SMARCC1: variants seen among roughly 807,000 people sequenced by gnomAD.
The protein encoded by SMARCC1 is SWI/SNF complex subunit SMARCC1.
Under a neutral mutation model 147.4 loss-of-function variants are expected in SMARCC1, and 43 were observed. That is an observed-to-expected ratio of 0.29 (90% CI 0.23 to 0.38). The LOEUF (loss-of-function observed/expected upper bound fraction) is 0.38, where lower values mean the gene tolerates loss of function less well. SMARCC1 is among the 10% of genes least tolerant of loss of function. The pLI is 1.00. For synonymous variants in SMARCC1, 495 were observed against 484.4 expected (o/e 1.02, Z -0.29); for missense variants, 1,119 against 1,381.1 (o/e 0.81, Z 3.01).
At chr3:47,709,512 C>T (rs1029428817) in intron 9 of SMARCC1, among the ~76,000 whole-genome samples, 1 of 150,120 alleles carries the variant, frequency 6.7e-6, no homozygotes, top group South Asian at 2.1e-4. Flanking sequence ...ATGGTGAAAT[C>T]CCGTTTCTAC....
chr3:47,727,788 G>A (rs1244001151), intron 6 of SMARCC1, among the ~76,000 whole-genome samples: 8 of 151,812 alleles, frequency 5.3e-5, no homozygotes, highest in Admixed American at 1.3e-4. Context: ...GTTAAATTTC[G>A]CCATATTGGT....
intron 21 of SMARCC1, among the ~76,000 whole-genome samples, chr3:47,645,579 C>T (rs2033109238): frequency 6.6e-6 from 1 of 152,154 alleles, no homozygotes; most frequent in South Asian, 2.1e-4. Context: ...CTTCAGGTTA[C>T]TTTTAAAATT....
chr3:47,598,749 A>C (rs2032338167), intron 26 of SMARCC1, among the ~76,000 whole-genome samples: 1 of 148,830 alleles, frequency 6.7e-6, no homozygotes, highest in South Asian at 2.1e-4. Context: ...GATAGTTTGA[A>C]CCTGGAAGGT....
At chr3:47,683,882 G>A (rs1386611498) in intron 14 of SMARCC1, among the ~76,000 whole-genome samples, 2 of 152,018 alleles carry the variant, frequency 1.3e-5, no homozygotes, top group Non-Finnish European at 2.9e-5. Context: ...CAAAACAGTC[G>A]AGGCACAGAC....
At chr3:47,760,034 C>T (rs928117024) in intron 2 of SMARCC1, among the ~76,000 whole-genome samples, 1 of 152,092 alleles carries the variant, frequency 6.6e-6, no homozygotes, top group Non-Finnish European at 1.5e-5. Flanking sequence ...AAATTTGAGG[C>T]CAGGTATGGT....
intron 11 of SMARCC1, among the ~76,000 whole-genome samples, chr3:47,693,935 T>A (rs1237055123): frequency 6.6e-6 from 1 of 152,238 alleles, no homozygotes; most frequent in Admixed American, 6.5e-5. Flanking sequence ...AATGCCGGGA[T>A]CACAGACATG....
intron 22 of SMARCC1, among the ~76,000 whole-genome samples, chr3:47,638,105 T>C (rs1214891270): frequency 6.6e-6 from 1 of 152,184 alleles, no homozygotes; most frequent in African/African-American, 2.4e-5. Context: ...TTGTTGTTGT[T>C]GTTGAGACAG....
Position 47,781,752 on chromosome 3 carries a change from C to T in SMARCC1, c.46G>A (p.Ala16Thr). The T allele has an allele frequency of 6.6e-7, 1 of 1,526,068 alleles. No homozygotes were observed. Among genetic ancestry groups the T allele is most frequent in the South Asian group, 1.2e-5 (1 of 82,612 alleles). The allele number at this position is 1,526,068 out of a possible 1,614,324, so 94.5% of individuals were successfully genotyped here. The change falls in exon 1 of 28, where the codon GCC becomes ACC. Residue 16 changes from alanine (A) to threonine (T), a missense_variant. By Grantham distance (58) the Ala-to-Thr change is moderately conservative. This residue lies in a region of SMARCC1 where 542 missense variants were observed against 611.8 expected (regional missense o/e 0.89). Transcript: ENST00000254480. ...GCCGCCGCAATCCCCGAGCCCGTGGCGCCTACCGCTGTCCCCGGCCCGCCG... is the reference window on the plus strand; with the variant it reads ...GCCGCCGCAATCCCCGAGCCCGTGGTGCCTACCGCTGTCCCCGGCCCGCCG... ...GGGGPGTAVGATGSGIAAAAA... is the reference protein window; with the variant it reads ...GGGGPGTAVGTTGSGIAAAAA...
At chr3:47,665,682 T>G (rs2033411141) in intron 19 of SMARCC1, among the ~76,000 whole-genome samples, 1 of 151,954 alleles carries the variant, frequency 6.6e-6, no homozygotes, top group African/African-American at 2.4e-5. Flanking sequence ...CAAATTAAAG[T>G]GATGTTTTGA....
chr3:47,712,723 C>G (rs1008742649), intron 8 of SMARCC1, among the ~76,000 whole-genome samples: 4 of 152,194 alleles, frequency 2.6e-5, no homozygotes, highest in African/African-American at 9.6e-5. Flanking sequence ...TCTCCCTGAG[C>G]TCTCAAGTCC....
chr3:47,624,026 C>T (rs1386935790), intron 24 of SMARCC1, among the ~76,000 whole-genome samples: 1 of 151,936 alleles, frequency 6.6e-6, no homozygotes, highest in Admixed American at 6.6e-5. Flanking sequence ...TGGTGGCTCA[C>T]GCCTGTAATC....
chr3:47,708,923 A>G (rs2034050589), intron 9 of SMARCC1, among the ~76,000 whole-genome samples: 1 of 152,158 alleles, frequency 6.6e-6, no homozygotes, highest in Admixed American at 6.5e-5. Flanking sequence ...TACAGGTGTG[A>G]GCCACTGGGC....
At chr3:47,738,838 C>T (rs2034475680) in intron 3 of SMARCC1, among the ~76,000 whole-genome samples, 1 of 152,194 alleles carries the variant, frequency 6.6e-6, no homozygotes, top group Non-Finnish European at 1.5e-5. Context: ...GCCACAGTAG[C>T]AGTCAAGAGC....
chr3:47,718,576 G>A (rs1316495000), intron 7 of SMARCC1, among the ~76,000 whole-genome samples: 1 of 152,022 alleles, frequency 6.6e-6, no homozygotes, highest in Non-Finnish European at 1.5e-5. Context: ...TGGGGGGTAG[G>A]GGCAAGGGAT....
At chr3:47,712,424 T>A (rs539169767) in intron 8 of SMARCC1, among the ~76,000 whole-genome samples, 43 of 152,084 alleles carry the variant, frequency 2.8e-4, no homozygotes, top group African/African-American at 9.6e-4. Context: ...CTTTTTTTTT[T>A]AAAAGAGCTG....
intron 13 of SMARCC1, among the ~76,000 whole-genome samples, chr3:47,687,477 T>C (rs565274964): frequency 2.0e-4 from 30 of 152,216 alleles, no homozygotes; most frequent in African/African-American, 7.0e-4. Flanking sequence ...AAGATGACAT[T>C]GTGGGAGACA....
intron 19 of SMARCC1, among the ~76,000 whole-genome samples, chr3:47,666,633 C>A (rs1432023400): frequency 6.6e-6 from 1 of 151,644 alleles, no homozygotes; most frequent in Non-Finnish European, 1.5e-5. Flanking sequence ...CCAAGCTTGT[C>A]CAACCTGTGG....
intron 2 of SMARCC1, among the ~76,000 whole-genome samples, chr3:47,771,985 A>G (rs2034919495): frequency 6.6e-6 from 1 of 151,500 alleles, no homozygotes; most frequent in Non-Finnish European, 1.5e-5. Flanking sequence ...GGGAGTCTTG[A>G]GGCACAAGAA....
At chr3:47,758,243 C>T (rs1576433276) in intron 2 of SMARCC1, among the ~76,000 whole-genome samples, 1 of 152,122 alleles carries the variant, frequency 6.6e-6, no homozygotes, top group African/African-American at 2.4e-5. Context: ...CCTCAACCTC[C>T]TAAGTAGCTC....
Sources: gnomAD v4.1 joint callset for allele counts (sites outside exome capture counted in the v4.1 genomes callset) on GRCh38, gnomAD v4.1.1 for gene constraint, gnomAD v4.1.1 regional missense constraint, MANE v1.5 for transcripts, NCBI Gene and HGNC (gene_info 2026-07-23, HGNC 2026-07-21) for gene names.